Variants in REL observed in about 807,000 individuals in gnomAD.
REL encodes proto-oncogene c-Rel.
Under a neutral mutation model 45.9 loss-of-function variants are expected in REL, and 15 were observed. That is an observed-to-expected ratio of 0.33 (90% CI 0.22 to 0.50). The LOEUF is 0.50. Ranked by LOEUF, REL falls within the 20% of genes least tolerant of loss-of-function variation. The pLI, the probability that REL is intolerant of heterozygous loss-of-function variation, is 0.98. For missense variants in REL, 601 were observed against 715.2 expected (o/e 0.84, Z 1.82); for synonymous variants, 239 against 242.1 (o/e 0.99, Z 0.12).
chr2:60,920,758 G>T lies in REL; in HGVS notation c.991+116G>T, dbSNP rs1001189127. ...TGCTTCTTTGAAAATTTTCTCTCCA[G>T]ATTTTTCATGCTTTCAGTATAGAAT... On this transcript the variant is annotated intron_variant, in intron 9 of 9. Transcript: ENST00000394479. 6 of 632,462 alleles carry T rather than the reference G, an allele frequency of 9.5e-6. No homozygotes were observed. In the African/African-American group the frequency reaches 1.1e-4, roughly 12 times the overall value. The allele number at this position is 632,462 out of a possible 1,614,324, so 39.2% of individuals were successfully genotyped here. A position where few individuals can be genotyped will look rare whatever the true frequency, so the allele number is the denominator to read the frequency against.
intron 4 of REL, among the ~76,000 whole-genome samples, chr2:60,911,825 C>T (rs1389631761): frequency 2.6e-5 from 4 of 151,334 alleles, no homozygotes; most frequent in African/African-American, 9.7e-5. Flanking sequence ...ATGATGAAAC[C>T]CCATCTCTAC....
chr2:60,901,276 C>T (rs995576806), intron 4 of REL, among the ~76,000 whole-genome samples, 193 bp downstream of exon 4: 1 of 151,354 alleles, frequency 6.6e-6, no homozygotes, highest in African/African-American at 2.4e-5. Context: ...CTGCCTCAGC[C>T]TCAGCCTCCG....
At chr2:60,892,934 T>C (rs1673256421) in intron 2 of REL, among the ~76,000 whole-genome samples, 1 of 152,052 alleles carries the variant, frequency 6.6e-6, no homozygotes. Context: ...TTTGTATTTT[T>C]AGTAGAGACA....
In REL at chr2:60,891,837, T is replaced by A. The variant is rs759363353; in HGVS notation, c.153+12T>A. The A allele has an allele frequency of 1.3e-6, 2 of 1,596,980 alleles. No individual in the cohort carries two copies. The highest frequency in any genetic ancestry group is 1.7e-6 in the Non-Finnish European group (2 of 1,171,064). ...ACCCTTCTATCCAGGTAATAGACCC[T>A]TCTTCTGTGTCTATCTCACTATTAG... is the stretch of plus-strand genomic sequence containing the variant. On this transcript the variant is annotated intron_variant, in intron 2 of 9. Coordinates refer to ENST00000394479, the MANE Select transcript of REL (RefSeq NM_001291746.2).
intron 3 of REL, among the ~76,000 whole-genome samples, chr2:60,898,232 A>T (rs779296430): frequency 1.3e-5 from 2 of 152,244 alleles, no homozygotes; most frequent in African/African-American, 4.8e-5. Flanking sequence ...GATCTTTTAA[A>T]ATACAAATGA....
chr2:60,882,163 G>A (rs1672957648), intron 1 of REL, among the ~76,000 whole-genome samples: 1 of 152,126 alleles, frequency 6.6e-6, no homozygotes, highest in South Asian at 2.1e-4. Flanking sequence ...AAATGTATAT[G>A]TATTGAAGAT....
At chr2:60,887,846 TTTCTG>T (rs1423015740) in intron 1 of REL, among the ~76,000 whole-genome samples, 4 of 151,882 alleles carry the variant, frequency 2.6e-5, no homozygotes, top group Non-Finnish European at 5.9e-5. Flanking sequence ...AACAACTACT[TTTCTG>T]TTCTTTTTGT....
rs779333825 is a variant in REL, at chr2:60,922,133, T to C, written c.1362T>C (p.Ser454=). The C allele has an allele frequency of 2.5e-6, 4 of 1,614,206 alleles. No individual in the cohort carries two copies. The Admixed American group carries it at 6.7e-5, about 27-fold the overall frequency. Residue 454 remains serine (S), a synonymous_variant, in exon 10 of 10, where the codon TCT becomes TCC. Coordinates refer to ENST00000394479, the MANE Select transcript of REL (RefSeq NM_001291746.2). The stretch of plus-strand genomic sequence containing the variant: ...CATCAGCAGATTTATATGGTATTTC[T>C]GATCCCAACATGCTGTCTAATTGTT... The part of the protein sequence containing the change: ...SMPSADLYGI[S]DPNMLSNCSV...
chr2:60,882,900 G>C (rs1002984454), intron 1 of REL, among the ~76,000 whole-genome samples: 9 of 152,150 alleles, frequency 5.9e-5, no homozygotes, highest in Non-Finnish European at 1.3e-4. Context: ...CCCTTTGGGG[G>C]GGAATAAGTT....
At chr2:60,882,407 G>A (rs886073330) in intron 1 of REL, among the ~76,000 whole-genome samples, 1 of 152,172 alleles carries the variant, frequency 6.6e-6, no homozygotes, top group African/African-American at 2.4e-5. Context: ...GGGCGCGGTG[G>A]CTCATGCCTG....
chr2:60,886,322 A>C (rs1484465765), intron 1 of REL, among the ~76,000 whole-genome samples: 1 of 152,204 alleles, frequency 6.6e-6, no homozygotes, highest in Non-Finnish European at 1.5e-5. Context: ...TTTGGATCTA[A>C]ATACTCATTT....
rs1428884940 is a variant in REL at position 60,928,974 on chromosome 2, A to C, written c.*6439A>C. On this transcript the variant is annotated 3_prime_UTR_variant, in exon 10 of 10. Coordinates refer to ENST00000394479, the MANE Select transcript of REL (RefSeq NM_001291746.2). ...ATCTACAATGAACTCAAACAAATTT[A>C]CAAGAAAAAAACAACCCCATCAAAA... 2 of 149,486 alleles carry C rather than the reference A, an allele frequency of 1.3e-5. No individual in the cohort carries two copies. Among genetic ancestry groups the C allele is most frequent in the Non-Finnish European group, 3.0e-5 (2 of 66,348 alleles). 9.3% of individuals were successfully genotyped at this position (149,486 alleles called of 1,614,324 possible).
chr2:60,896,374 A>G (rs1245140840), intron 3 of REL, among the ~76,000 whole-genome samples: 3 of 152,192 alleles, frequency 2.0e-5, no homozygotes, highest in Non-Finnish European at 4.4e-5. Flanking sequence ...AAATTTATAC[A>G]TATACATGAT....
At chr2:60,912,633 G>T (rs151194409) in intron 4 of REL, among the ~76,000 whole-genome samples, 10 of 152,132 alleles carry the variant, frequency 6.6e-5, no homozygotes, top group African/African-American at 1.9e-4. Context: ...CCAAAAGAGA[G>T]ATTTCATTTT....
intron 5 of REL, among the ~76,000 whole-genome samples, chr2:60,917,758 A>G (rs1010619584): frequency 2.6e-5 from 4 of 151,180 alleles, no homozygotes; most frequent in Non-Finnish European, 5.9e-5. Flanking sequence ...ACGTCCACCA[A>G]TGGTGTATGA....
intron 4 of REL, among the ~76,000 whole-genome samples, chr2:60,910,497 C>T (rs1466025901): frequency 1.6e-5 from 2 of 124,272 alleles, no homozygotes; most frequent in East Asian, 4.9e-4. Context: ...AAAAAAAAAA[C>T]ATAAAAAGGA....
At chr2:60,892,716 C>T (rs2103929796) in intron 2 of REL, among the ~76,000 whole-genome samples, 1 of 151,868 alleles carries the variant, frequency 6.6e-6, no homozygotes, top group South Asian at 2.1e-4. Context: ...AGGCGTGAGC[C>T]ACTGCGTCCA....
intron 2 of REL, among the ~76,000 whole-genome samples, chr2:60,894,042 T>C (rs571346553): frequency 2.0e-5 from 3 of 152,228 alleles, no homozygotes; most frequent in Non-Finnish European, 4.4e-5. Context: ...AAGGAATGTT[T>C]ATGGTATGAC....
In REL at chr2:60,909,691, A is replaced by G. The variant is rs929216198; in HGVS notation, c.395-7186A>G. On this transcript the variant is annotated intron_variant, in intron 4 of 9. Coordinates refer to ENST00000394479, the MANE Select transcript of REL (RefSeq NM_001291746.2). The stretch of plus-strand genomic sequence containing the variant: ...GCCGAGATGGGCGGATCACGAGGTC[A>G]AGAGATACAGACCATCCTGGCCAAC... Among the ~76,000 whole-genome samples, 107 of 152,168 alleles carry G rather than the reference A, an allele frequency of 7.0e-4. 3 individuals carry two copies. The highest frequency in any genetic ancestry group is 2.2e-4 in the Non-Finnish European group (15 of 68,024).
Sources: gnomAD v4.1 joint callset for allele counts (sites outside exome capture counted in the v4.1 genomes callset) on GRCh38, gnomAD v4.1.1 for gene constraint, MANE v1.5 for transcripts, NCBI Gene and HGNC (gene_info 2026-07-23, HGNC 2026-07-21) for gene names.